Variants in FUBP3 observed in about 807,000 individuals in gnomAD.
FUBP3 encodes far upstream element binding protein 3.
Under a neutral mutation model 85.6 loss-of-function variants are expected in FUBP3, and 28 were observed. The ratio of observed to expected loss-of-function variants is 0.33; its 90% confidence interval spans 0.24 to 0.45. The LOEUF (loss-of-function observed/expected upper bound fraction) is 0.45, where lower values mean the gene tolerates loss of function less well. Among genes scored for constraint, FUBP3 ranks in the 20% least tolerant of loss-of-function variants. FUBP3 has a pLI of 1.00. For synonymous variants in FUBP3, 271 were observed against 271.4 expected, an observed-to-expected ratio of 1.00 and a Z score of 0.01; for missense variants, 583 against 755.1, an observed-to-expected ratio of 0.77 and a Z score of 2.67.
At position 130,608,861 on chromosome 9, in the gene FUBP3, G is replaced by A. The variant is rs373439228; in HGVS notation, c.191-1093G>A. Among the ~76,000 whole-genome samples, 6 of 152,018 alleles carry A rather than the reference G, an allele frequency of 3.9e-5. No individual in the cohort carries two copies. In the South Asian group the frequency reaches 6.3e-4, roughly 16 times the overall value. On this transcript the variant is annotated intron_variant, in intron 2 of 18. Transcript: ENST00000319725. The stretch of plus-strand genomic sequence containing the variant: ...TCCTTTGTCTCTTTACTGTCCAGTC[G>A]GAGAATGACAGCAGTGAGTTTGAGC...
chr9:130,608,695 T>G (rs1481045486), intron 2 of FUBP3, among the ~76,000 whole-genome samples: 1 of 152,252 alleles, frequency 6.6e-6, no homozygotes, highest in Non-Finnish European at 1.5e-5. Context: ...TAGTGTCTAG[T>G]GTCAATATTT....
In FUBP3 at chr9:130,597,441, A is replaced by G. The variant is rs888781359; in HGVS notation, c.190+1853A>G. ...AACAAACAGCTACACAGCCTTTGGA[A>G]ATCTTTATTGCTAAGAAAAATGTGC... On this transcript the variant is annotated intron_variant, in intron 2 of 18. Transcript: ENST00000319725. 5.3e-5 allele frequency among the ~76,000 whole-genome samples: 8 copies of G among 152,240 alleles called. No homozygotes were observed. The South Asian group carries it at 1.0e-3, about 20-fold the overall frequency.
At position 130,595,612 on chromosome 9, in the gene FUBP3, C is replaced by T. The variant is rs763939144; in HGVS notation, c.190+24C>T. Reference sequence around the variant, plus strand: ...AGGTAAGTTGCCAGAAATATCTTTGCCTTTCAGGTGGTAGTGAACCTGCCA... The same window carrying T: ...AGGTAAGTTGCCAGAAATATCTTTGTCTTTCAGGTGGTAGTGAACCTGCCA... On this transcript the variant is annotated intron_variant, in intron 2 of 18. Transcript: ENST00000319725. The T allele has an allele frequency of 3.8e-6, 4 of 1,046,470 alleles. No homozygotes were observed. The Admixed American group carries it at 5.1e-5, about 13-fold the overall frequency. The allele number at this position is 1,046,470 out of a possible 1,614,324, so 64.8% of individuals were successfully genotyped here. A position where few individuals can be genotyped will look rare whatever the true frequency, so the allele number is the denominator to read the frequency against.
At chr9:130,586,838 C>T (rs753047222) in intron 1 of FUBP3, among the ~76,000 whole-genome samples, 2 of 150,220 alleles carry the variant, frequency 1.3e-5, no homozygotes, top group African/African-American at 4.9e-5. Context: ...GCAAGCTCAG[C>T]CTCCCAGGTT....
intron 1 of FUBP3, among the ~76,000 whole-genome samples, chr9:130,584,023 C>T (rs1040001388): frequency 6.6e-6 from 1 of 152,042 alleles, no homozygotes; most frequent in African/African-American, 2.4e-5. Context: ...TGTGAGGCAC[C>T]GTGCCCCCAT....
chr9:130,592,061 G>A lies in FUBP3; in HGVS notation c.85-3422G>A, dbSNP rs111680443. On this transcript the variant is annotated intron_variant, in intron 1 of 18. Transcript: ENST00000319725. ...AGCCTGCCCAACATGGTGAAACTCCGTCTCTGCTAAAAATATAAAAATGAG... is the reference window on the plus strand; with the variant it reads ...AGCCTGCCCAACATGGTGAAACTCCATCTCTGCTAAAAATATAAAAATGAG... Among the ~76,000 whole-genome samples the A allele has an allele frequency of 2.9e-3, 441 of 152,196 alleles. 3 individuals carry two copies. Among genetic ancestry groups the A allele is most frequent in the African/African-American group, 0.01 (426 of 41,554 alleles).
In FUBP3 at chr9:130,579,648, T is replaced by TCGGCGGCGG. The variant is rs573526178; in HGVS notation, c.-27_-19dup. 5.8e-6 allele frequency: 7 copies of TCGGCGGCGG among 1,210,044 alleles called. No homozygotes were observed. Among genetic ancestry groups the TCGGCGGCGG allele is most frequent in the Non-Finnish European group, 6.2e-6 (6 of 965,592 alleles). The allele number at this position is 1,210,044 out of a possible 1,614,324, so 75.0% of individuals were successfully genotyped here. A position where few individuals can be genotyped will look rare whatever the true frequency, so the allele number is the denominator to read the frequency against. On this transcript the variant is annotated 5_prime_UTR_variant, in exon 1 of 19. Transcript: ENST00000319725. The stretch of plus-strand genomic sequence containing the variant: ...GAGCCGAGCGGCGGCGTCGGCGGCG[T>TCGGCGGCGG]CGGCGGCGGCGGCGACGGCGGCGGG...
rs1830036701 is a variant in FUBP3, at chr9:130,579,602, G to GGAGCGGGAGGCCGGACCGGGGAGCC, written c.-72_-48dup. 7 of 905,382 alleles carry GGAGCGGGAGGCCGGACCGGGGAGCC rather than the reference G, an allele frequency of 7.7e-6. No homozygotes were observed. Among genetic ancestry groups the GGAGCGGGAGGCCGGACCGGGGAGCC allele is most frequent in the Non-Finnish European group, 8.7e-6 (6 of 692,224 alleles). 56.1% of individuals were successfully genotyped at this position (905,382 alleles called of 1,614,324 possible). A position where few individuals can be genotyped will look rare whatever the true frequency, so the allele number is the denominator to read the frequency against. On this transcript the variant is annotated 5_prime_UTR_variant, in exon 1 of 19. Coordinates refer to ENST00000319725, the MANE Select transcript of FUBP3 (RefSeq NM_003934.2). ...CTTTTCCGGCTACGGGTCCCCAAGC[G>GGAGCGGGAGGCCGGACCGGGGAGCC]GAGCGGGAGGCCGGACCGGGGAGCC...
intron 15 of FUBP3, 36 bp from the exon 16 acceptor site, chr9:130,632,166 C>A: frequency 6.4e-7 from 1 of 1,573,934 alleles, no homozygotes; most frequent in Non-Finnish European, 8.7e-7. Context: ...GTGACTTGCC[C>A]CCTATAGGAA....
intron 11 of FUBP3, 58 bp downstream of exon 11, chr9:130,623,769 C>CGGGG: frequency 8.7e-7 from 1 of 1,142,966 alleles, no homozygotes; most frequent in Non-Finnish European, 1.3e-6. Context: ...AAGTGCTACC[C>CGGGG]GGGGCTCTCG....
intron 12 of FUBP3, among the ~76,000 whole-genome samples, chr9:130,630,187 G>T (rs879563828): frequency 1.3e-5 from 2 of 152,210 alleles, no homozygotes; most frequent in African/African-American, 4.8e-5. Flanking sequence ...CCACAGCCAG[G>T]CTGAAGGCCC....
In FUBP3 at chr9:130,630,624, G is replaced by T; in HGVS notation, c.1118-4G>T. 2.5e-6 allele frequency: 4 copies of T among 1,590,288 alleles called. No homozygotes were observed. Among genetic ancestry groups the T allele is most frequent in the Non-Finnish European group, 3.4e-6 (4 of 1,169,086 alleles). ...CTCTTCTGCCTGTGTTGTGCTGTCCGCAGGGGGTGAGAACATCAAAAGCAT... is the reference window on the plus strand; with the variant it reads ...CTCTTCTGCCTGTGTTGTGCTGTCCTCAGGGGGTGAGAACATCAAAAGCAT... On this transcript the variant is annotated splice_polypyrimidine_tract_variant and splice_region_variant and intron_variant, in intron 12 of 18. Coordinates refer to ENST00000319725, the MANE Select transcript of FUBP3 (RefSeq NM_003934.2).
intron 3 of FUBP3, 133 bp downstream of exon 3, chr9:130,610,120 G>A (rs186628554): frequency 3.4e-5 from 24 of 709,874 alleles, no homozygotes; most frequent in Admixed American, 1.5e-4. Context: ...TTTAAGACTC[G>A]AGTTTTTTGC....
chr9:130,624,609 TTGTGTGTGTGTGTGTGTGTGTGTG>T (rs138986229), intron 11 of FUBP3, among the ~76,000 whole-genome samples: 3 of 143,874 alleles, frequency 2.1e-5, no homozygotes, highest in African/African-American at 5.2e-5. Flanking sequence ...TTACAAGATT[TTGTGTGTGTGTGTGTGTGTGTGTG>T]TGTGTGTGTG....
In FUBP3 at chr9:130,612,838, A is replaced by C; in HGVS notation, c.275-118A>C. On this transcript the variant is annotated intron_variant, in intron 4 of 18. Transcript: ENST00000319725. This position sits in a 1 kb window ranked among gnomAD's most constrained non-coding sequence, Gnocchi z 4.1. The stretch of plus-strand genomic sequence containing the variant: ...GAGTGGAGATGGGCTCACGGGGGCC[A>C]ACTCGATGTGTAGTATTGTGAGCCA... 1.4e-6 allele frequency: 1 copy of C among 740,412 alleles called. No individual in the cohort carries two copies. Among genetic ancestry groups the C allele is most frequent in the South Asian group, 1.7e-5 (1 of 60,134 alleles). 45.9% of individuals were successfully genotyped at this position (740,412 alleles called of 1,614,324 possible). A position where few individuals can be genotyped will look rare whatever the true frequency, so the allele number is the denominator to read the frequency against.
intron 2 of FUBP3, among the ~76,000 whole-genome samples, chr9:130,605,030 T>C (rs930637774): frequency 6.6e-6 from 1 of 152,200 alleles, no homozygotes; most frequent in African/African-American, 2.4e-5. Flanking sequence ...ACATTACCCT[T>C]ATTATATATG....
intron 11 of FUBP3, 104 bp downstream of exon 11, chr9:130,623,815 C>G (rs2119102312): frequency 1.6e-6 from 1 of 607,428 alleles, no homozygotes; most frequent in East Asian, 3.0e-5. Context: ...TGAGGCGTCT[C>G]AAGTCACATT....
In FUBP3 at chr9:130,637,190, T is replaced by TA; in HGVS notation, c.*169dup. 1.6e-6 allele frequency: 1 copy of TA among 625,310 alleles called. No individual in the cohort carries two copies. Among genetic ancestry groups the TA allele is most frequent in the East Asian group, 2.8e-5 (1 of 36,296 alleles). The allele number at this position is 625,310 out of a possible 1,614,324, so 38.7% of individuals were successfully genotyped here. On this transcript the variant is annotated 3_prime_UTR_variant, in exon 19 of 19. Coordinates refer to ENST00000319725, the MANE Select transcript of FUBP3 (RefSeq NM_003934.2). ...TTTTCTAAAAATCAGGAAAATTAGTTACTAAAAATTGCTGATCATTTTTGT... is the reference window on the plus strand; with the variant it reads ...TTTTCTAAAAATCAGGAAAATTAGTTAACTAAAAATTGCTGATCATTTTTGT...
intron 17 of FUBP3, 134 bp downstream of exon 17, chr9:130,634,872 G>A (rs1041593463): frequency 2.4e-5 from 17 of 701,602 alleles, no homozygotes; most frequent in African/African-American, 1.6e-4. Flanking sequence ...ATTTGCCTTC[G>A]TCCTCCACCC....
Sources: gnomAD v4.1 joint callset for allele counts (sites outside exome capture counted in the v4.1 genomes callset) on GRCh38, gnomAD v4.1.1 for gene constraint, Gnocchi (gnomAD v3.1) non-coding constraint, MANE v1.5 for transcripts, NCBI Gene and HGNC (gene_info 2026-07-23, HGNC 2026-07-21) for gene names.